The following LCORL variants were observed in gnomAD, a reference collection of about 807,000 sequenced individuals.
LCORL encodes ligand dependent nuclear receptor corepressor like.
Under a neutral mutation model 141.8 loss-of-function variants are expected in LCORL, and 41 were observed. That is an observed-to-expected ratio of 0.29 (90% CI 0.23 to 0.38). LCORL has a LOEUF of 0.38. Among genes scored for constraint, LCORL ranks in the 10% least tolerant of loss-of-function variants. LCORL has a pLI of 1.00. For missense variants in LCORL, 1,759 were observed against 2,035.0 expected, an observed-to-expected ratio of 0.86 and a Z score of 2.61; for synonymous variants, 618 against 694.1, an observed-to-expected ratio of 0.89 and a Z score of 1.72.
chr4:17,985,739 A>T (rs1300048831), intron 1 of LCORL, among the ~76,000 whole-genome samples: 1 of 152,028 alleles, frequency 6.6e-6, no homozygotes, highest in Non-Finnish European at 1.5e-5. Context: ...TACTTTTCAA[A>T]TAGTGCATTT....
chr4:17,888,184 A>G (rs1728559930), intron 5 of LCORL, among the ~76,000 whole-genome samples: 1 of 152,136 alleles, frequency 6.6e-6, no homozygotes, highest in African/African-American at 2.4e-5. Flanking sequence ...AGTATTCAAT[A>G]AATGTTTGCT....
At chr4:17,841,882 GA>G (rs1007905632) in exon 8 of LCORL, 39 of 151,168 alleles carry the variant, frequency 2.6e-4, no homozygotes, top group South Asian at 6.0e-4. Context: ...CACCTTCCAA[GA>G]AAAAAAAAAG....
chr4:17,950,125 T>C (rs988360215), intron 4 of LCORL, among the ~76,000 whole-genome samples: 2 of 152,132 alleles, frequency 1.3e-5, no homozygotes, highest in African/African-American at 2.4e-5. Flanking sequence ...AAAACCTTTT[T>C]TAGTATACCA....
At chr4:17,859,121 T>C (rs182512143) in intron 7 of LCORL, among the ~76,000 whole-genome samples, 48 of 152,144 alleles carry the variant, frequency 3.2e-4, no homozygotes, top group African/African-American at 1.1e-3. Flanking sequence ...TACAACCATT[T>C]TGTTTTTCAA....
intron 4 of LCORL, among the ~76,000 whole-genome samples, chr4:17,937,621 T>C (rs1012222507): frequency 2.7e-4 from 41 of 152,132 alleles, no homozygotes; most frequent in Admixed American, 3.3e-4. Flanking sequence ...CACATCATTC[T>C]CCATAGAAAC....
At chr4:17,952,845 C>T (rs945453347) in intron 4 of LCORL, among the ~76,000 whole-genome samples, 7 of 152,094 alleles carry the variant, frequency 4.6e-5, no homozygotes, top group African/African-American at 1.4e-4. Flanking sequence ...GCATAATACC[C>T]GATAGTTATT....
intron 4 of LCORL, among the ~76,000 whole-genome samples, chr4:17,947,359 A>G (rs906345291): frequency 2.0e-5 from 3 of 152,020 alleles, no homozygotes; most frequent in Non-Finnish European, 4.4e-5. Flanking sequence ...CAGAGAGCAG[A>G]ATAGTAGAAT....
intron 4 of LCORL, among the ~76,000 whole-genome samples, chr4:17,949,295 A>T (rs147485674): frequency 8.8e-4 from 134 of 152,210 alleles, no homozygotes; most frequent in African/African-American, 2.9e-3. Flanking sequence ...GGGCAGACAG[A>T]TGTTTTAGAA....
chr4:17,862,454 T>G (rs113403154), intron 7 of LCORL, among the ~76,000 whole-genome samples: 2 of 152,076 alleles, frequency 1.3e-5, no homozygotes, highest in African/African-American at 2.4e-5. Context: ...AAGATGAAAT[T>G]TGAGTGGGGA....
At chr4:17,930,784 A>G (rs1735910552) in intron 4 of LCORL, among the ~76,000 whole-genome samples, 2 of 152,210 alleles carry the variant, frequency 1.3e-5, no homozygotes, top group Admixed American at 1.3e-4. Flanking sequence ...ATGAGATACT[A>G]TTTCACGGAT....
chr4:17,881,732 C>A (rs1282171819), intron 6 of LCORL: 1 of 953,746 alleles, frequency 1.0e-6, no homozygotes, highest in Non-Finnish European at 1.2e-6. Context: ...AAGCTCAATA[C>A]AATATAAATA....
At chr4:17,918,240 G>A (rs1733764860) in intron 4 of LCORL, among the ~76,000 whole-genome samples, 1 of 152,030 alleles carries the variant, frequency 6.6e-6, no homozygotes, top group Non-Finnish European at 1.5e-5. Context: ...TTGGGGTGGA[G>A]GATAATCTGA....
chr4:17,923,044 A>G (rs890464057), intron 4 of LCORL, among the ~76,000 whole-genome samples: 15 of 152,192 alleles, frequency 9.9e-5, no homozygotes, highest in African/African-American at 3.1e-4. Flanking sequence ...GTTTGCTTCT[A>G]GACCTATAAC....
chr4:17,894,563 G>T (rs1729600434), intron 5 of LCORL, among the ~76,000 whole-genome samples: 1 of 152,120 alleles, frequency 6.6e-6, no homozygotes, highest in Non-Finnish European at 1.5e-5. Context: ...TGAGTAAAAA[G>T]AATTATATTT....
At chr4:17,957,787 T>C (rs1157359694) in intron 4 of LCORL, among the ~76,000 whole-genome samples, 3 of 151,992 alleles carry the variant, frequency 2.0e-5, no homozygotes, top group Admixed American at 2.0e-4. Context: ...AGTTATTTTA[T>C]GGCAATTACA....
At chr4:17,861,185 G>A (rs1724969148) in intron 7 of LCORL, among the ~76,000 whole-genome samples, 2 of 152,230 alleles carry the variant, frequency 1.3e-5, no homozygotes, top group East Asian at 1.9e-4. Context: ...CCCTAGCAGA[G>A]GTTCTCCATG....
At chr4:18,010,394 G>GTA (rs1164906427) in intron 1 of LCORL, among the ~76,000 whole-genome samples, 33 of 144,446 alleles carry the variant, frequency 2.3e-4, no homozygotes, top group African/African-American at 7.8e-4. Context: ...ATATGTGTGT[G>GTA]TGTCTGTGTG....
At chr4:17,845,344 T>G (rs989588049) in exon 8 of LCORL, 7 of 159,236 alleles carry the variant, frequency 4.4e-5, no homozygotes, top group African/African-American at 1.7e-4. Context: ...CCACCTGTTT[T>G]ACAACTGCTC....
At chr4:18,018,183 A>T (rs1388232227) in intron 1 of LCORL, among the ~76,000 whole-genome samples, 1 of 152,120 alleles carries the variant, frequency 6.6e-6, no homozygotes, top group Non-Finnish European at 1.5e-5. Flanking sequence ...TTTATTCTAG[A>T]CCTGTTTTAA....
Sources: allele counts gnomAD v4.1 joint callset (sites outside exome capture counted in the v4.1 genomes callset), GRCh38; gene constraint gnomAD v4.1.1; transcripts MANE v1.5; gene names NCBI Gene and HGNC (gene_info 2026-07-23, HGNC 2026-07-21).